Variants in TPRG1 observed in about 807,000 individuals in gnomAD.
TPRG1 encodes tumor protein p63 regulated 1, also known as tumor protein p63-regulated gene 1 protein.
In TPRG1, 29 loss-of-function variants were observed where a neutral mutation model predicts 29.3. The ratio of observed to expected loss-of-function variants is 0.99; its 90% CI spans 0.74 to 1.35. The LOEUF (loss-of-function observed/expected upper bound fraction) is 1.35. TPRG1 is among the 40% of genes most tolerant of loss of function. TPRG1 has a pLI of 0.00. For missense variants in TPRG1, 327 were observed against 335.0 expected (o/e 0.98, Z 0.19); for synonymous variants, 130 against 116.8 (o/e 1.11, Z -0.73).
At chr3:189,286,965 C>T (rs946478564) in intron 4 of TPRG1, among the ~76,000 whole-genome samples, 23 of 152,078 alleles carry the variant, frequency 1.5e-4, no homozygotes, top group African/African-American at 4.6e-4. Flanking sequence ...GGATAATATA[C>T]AGCTGTTGAG....
In TPRG1 at chr3:189,214,962, A is replaced by ATTTTATATATATATATAT; in HGVS notation, c.211-330_211-329insTTTTATATATATATATAT. 1.7e-4 allele frequency among the ~76,000 whole-genome samples: 25 copies of ATTTTATATATATATATAT among 147,524 alleles called. 1 individual carries two copies. Among genetic ancestry groups the ATTTTATATATATATATAT allele is most frequent in the African/African-American group, 2.5e-4 (10 of 40,072 alleles). On this transcript the variant is annotated intron_variant, in intron 2 of 5. Transcript: ENST00000345063. Reference sequence around the variant, plus strand: ...TAGGAAGAGAAAAAAGGTTTAATTTAAAAATGTACAGATTCCTAAAGGCTT... The same window carrying ATTTTATATATATATATAT: ...TAGGAAGAGAAAAAAGGTTTAATTTATTTTATATATATATATATAAAATGTACAGATTCCTAAAGGCTT...
intron 1 of TPRG1, among the ~76,000 whole-genome samples, chr3:189,109,285 A>G (rs1310622268): frequency 6.6e-6 from 1 of 152,172 alleles, no homozygotes; most frequent in Admixed American, 6.5e-5. Context: ...CTAAAGAGGA[A>G]ACGACTGTCT....
In TPRG1 at chr3:189,209,480, G is replaced by A. The variant is rs115933490; in HGVS notation, c.210+1886G>A. On this transcript the variant is annotated intron_variant, in intron 2 of 5. Coordinates refer to ENST00000345063, the MANE Select transcript of TPRG1 (RefSeq NM_198485.4). The stretch of plus-strand genomic sequence containing the variant: ...TACACATGATGATTGTATTGGTGTT[G>A]TACCATGTAGCTTATACAGCAAACT... Among the ~76,000 whole-genome samples, 426 of 152,276 alleles carry A rather than the reference G, an allele frequency of 2.8e-3. 2 individuals are homozygous for A. The highest frequency in any genetic ancestry group is 9.6e-3 in the African/African-American group (398 of 41,556).
At chr3:189,243,263 T>C (rs1740901806) in intron 4 of TPRG1, among the ~76,000 whole-genome samples, 1 of 152,136 alleles carries the variant, frequency 6.6e-6, no homozygotes. Context: ...TGCTACATAC[T>C]TCTAAGTGAC....
intron 4 of TPRG1, among the ~76,000 whole-genome samples, chr3:189,300,474 G>C (rs1182420715): frequency 6.6e-6 from 1 of 152,200 alleles, no homozygotes; most frequent in Non-Finnish European, 1.5e-5. Flanking sequence ...AAAAAGAGTT[G>C]TGTCAATAGT....
chr3:189,251,932 C>T (rs1420105241), intron 4 of TPRG1, among the ~76,000 whole-genome samples: 4 of 152,156 alleles, frequency 2.6e-5, no homozygotes, highest in Non-Finnish European at 4.4e-5. Flanking sequence ...GGGTGTCCGG[C>T]TGGGGGACGG....
At chr3:189,265,686 A>G (rs1270429341) in intron 4 of TPRG1, among the ~76,000 whole-genome samples, 1 of 152,148 alleles carries the variant, frequency 6.6e-6, no homozygotes, top group Non-Finnish European at 1.5e-5. Flanking sequence ...CTTAAAAGGC[A>G]AGGAAGCACT....
chr3:189,136,036 G>T (rs1232823751), intron 3 of TPRG1, among the ~76,000 whole-genome samples: 5 of 152,106 alleles, frequency 3.3e-5, no homozygotes, highest in Admixed American at 6.6e-5. Context: ...CTGTGTGTTT[G>T]TGCCTATCTA....
At chr3:189,116,685 A>G (rs182799958) in intron 1 of TPRG1, among the ~76,000 whole-genome samples, 1 of 152,350 alleles carries the variant, frequency 6.6e-6, no homozygotes, top group African/African-American at 2.4e-5. Flanking sequence ...AGCCAGTCAT[A>G]AAAAGACAAA....
At chr3:189,259,600 C>G (rs1477723256) in intron 4 of TPRG1, among the ~76,000 whole-genome samples, 4 of 150,870 alleles carry the variant, frequency 2.7e-5, no homozygotes, top group Non-Finnish European at 5.9e-5. Flanking sequence ...TCCCAAGTAG[C>G]TGGGATTACA....
chr3:189,291,183 G>T (rs1023321526), intron 4 of TPRG1, among the ~76,000 whole-genome samples: 5 of 152,104 alleles, frequency 3.3e-5, no homozygotes, highest in Admixed American at 6.5e-5. Context: ...TTACAGGGGT[G>T]AGCCACCGCA....
At chr3:189,176,359 T>C (rs752765798) in intron 1 of TPRG1, among the ~76,000 whole-genome samples, 1 of 152,228 alleles carries the variant, frequency 6.6e-6, no homozygotes, top group Admixed American at 6.5e-5. Context: ...TCAAGTGTCA[T>C]TCATTGAAAG....
chr3:189,215,632 C>T (rs1048208970), intron 3 of TPRG1, among the ~76,000 whole-genome samples: 4 of 152,146 alleles, frequency 2.6e-5, no homozygotes, highest in African/African-American at 9.7e-5. Flanking sequence ...TAGGTCAGGC[C>T]TGTATCTCCA....
chr3:189,250,046 A>T (rs1374330227), intron 4 of TPRG1, among the ~76,000 whole-genome samples: 3 of 152,082 alleles, frequency 2.0e-5, no homozygotes, highest in Non-Finnish European at 2.9e-5. Flanking sequence ...TACCAAAGAA[A>T]CTCTAATTTT....
At chr3:189,002,303 T>C (rs1712067557) in intron 2 of TPRG1, among the ~76,000 whole-genome samples, 1 of 152,176 alleles carries the variant, frequency 6.6e-6, no homozygotes, top group Non-Finnish European at 1.5e-5. Context: ...TTTTTCCTTG[T>C]TACTTTCCTC....
At chr3:189,238,712 T>C in intron 3 of TPRG1, 21 bp from the exon 4 acceptor site, 1 of 1,569,062 alleles carries the variant, frequency 6.4e-7, no homozygotes, top group Non-Finnish European at 8.7e-7. Flanking sequence ...CAATTTTTAT[T>C]TGCTATGATG....
rs562808132 is a variant in TPRG1, at chr3:189,232,662, G to A, written c.303-6071G>A. Reference sequence around the variant, plus strand: ...GACTGTCTGCATGGGATAGTGGGGGGAAAAGTGAACTCCAGGGAGTCAAGT... The same window carrying A: ...GACTGTCTGCATGGGATAGTGGGGGAAAAAGTGAACTCCAGGGAGTCAAGT... On this transcript the variant is annotated intron_variant, in intron 3 of 5. Coordinates refer to ENST00000345063, the MANE Select transcript of TPRG1 (RefSeq NM_198485.4). 5.3e-5 allele frequency among the ~76,000 whole-genome samples: 8 copies of A among 152,278 alleles called. No homozygotes were observed. The South Asian group carries it at 1.5e-3, about 28-fold the overall frequency.
At chr3:189,310,783 G>A (rs776803013) in intron 5 of TPRG1, among the ~76,000 whole-genome samples, 6 of 151,608 alleles carry the variant, frequency 4.0e-5, no homozygotes, top group Admixed American at 2.6e-4. Flanking sequence ...GCTGCTTTCC[G>A]CTTGCTAATT....
At chr3:189,311,950 G>A (rs983903362) in intron 5 of TPRG1, among the ~76,000 whole-genome samples, 5 of 152,040 alleles carry the variant, frequency 3.3e-5, no homozygotes, top group Admixed American at 6.6e-5. Context: ...TGCTCTTGCC[G>A]TGAACTTCAA....
Sources: gnomAD v4.1 joint callset for allele counts (sites outside exome capture counted in the v4.1 genomes callset) on GRCh38, gnomAD v4.1.1 for gene constraint, MANE v1.5 for transcripts, NCBI Gene and HGNC (gene_info 2026-07-23, HGNC 2026-07-21) for gene names.